The following DENND1A variants were observed in gnomAD, a reference collection of about 807,000 sequenced individuals.
The protein encoded by DENND1A is DENN domain containing 1A.
A neutral mutation model predicts 113.7 loss-of-function variants in DENND1A; 51 were observed. The observed-to-expected ratio is 0.45, with a 90% CI of 0.36 to 0.57. DENND1A has a LOEUF of 0.57. Among genes scored for constraint, DENND1A ranks in the 20% least tolerant of loss-of-function variants. DENND1A has a pLI of 0.00. For synonymous variants in DENND1A, 565 were observed against 570.8 expected, an observed-to-expected ratio of 0.99 and a Z score of 0.14; for missense variants, 1,258 against 1,395.9, an observed-to-expected ratio of 0.90 and a Z score of 1.57.
chr9:123,456,000 G>C (rs1588621701), intron 15 of DENND1A, among the ~76,000 whole-genome samples: 1 of 152,268 alleles, frequency 6.6e-6, no homozygotes, highest in East Asian at 1.9e-4. Flanking sequence ...AACACTCCTT[G>C]AGGGCAGAAC....
intron 10 of DENND1A, among the ~76,000 whole-genome samples, chr9:123,618,083 G>A (rs1284401204): frequency 2.0e-5 from 3 of 152,136 alleles, no homozygotes; most frequent in Non-Finnish European, 1.5e-5. Flanking sequence ...AGACGAACCC[G>A]CACTTGCTGA....
At chr9:123,568,853 TCA>T (rs1385055342) in intron 12 of DENND1A, among the ~76,000 whole-genome samples, 2 of 152,196 alleles carry the variant, frequency 1.3e-5, no homozygotes, top group Non-Finnish European at 2.9e-5. Context: ...TAGATGTGTT[TCA>T]CAGTGTCCCC....
chr9:123,464,133 C>G (rs563420892), intron 13 of DENND1A, among the ~76,000 whole-genome samples: 39 of 152,276 alleles, frequency 2.6e-4, no homozygotes, highest in African/African-American at 7.2e-4. Flanking sequence ...GATCCATCCA[C>G]ACACCCAAAC....
chr9:123,832,922 AACCCAGGTGTTCAAGACC>A, intron 2 of DENND1A, among the ~76,000 whole-genome samples: 1 of 152,212 alleles, frequency 6.6e-6, no homozygotes, highest in South Asian at 2.1e-4. Flanking sequence ...AGACCATTTG[AACCCAGGTGTTCAAGACC>A]AGCCTGGGCA....
intron 5 of DENND1A, among the ~76,000 whole-genome samples, chr9:123,698,231 C>T (rs1039944585): frequency 6.6e-6 from 1 of 152,154 alleles, no homozygotes; most frequent in Non-Finnish European, 1.5e-5. Context: ...GAAGAGATCC[C>T]TTGCTTAAAG....
intron 7 of DENND1A, among the ~76,000 whole-genome samples, chr9:123,669,709 G>A (rs1298076747): frequency 6.6e-6 from 1 of 152,244 alleles, no homozygotes; most frequent in Non-Finnish European, 1.5e-5. Flanking sequence ...AGGCAGGGTT[G>A]CTTAGCTATA....
At chr9:123,561,732 AAG>A (rs1277389336) in intron 12 of DENND1A, among the ~76,000 whole-genome samples, 1 of 152,076 alleles carries the variant, frequency 6.6e-6, no homozygotes, top group Non-Finnish European at 1.5e-5. Context: ...AGGCAAAGGA[AAG>A]AGGGGGCAAA....
intron 2 of DENND1A, among the ~76,000 whole-genome samples, chr9:123,818,214 C>T (rs1837829864): frequency 6.6e-6 from 1 of 151,762 alleles, no homozygotes; most frequent in South Asian, 2.1e-4. Context: ...ACACCATTCT[C>T]CTGCCTCAGC....
chr9:123,638,978 A>G (rs2061863782), intron 9 of DENND1A, among the ~76,000 whole-genome samples: 2 of 144,576 alleles, frequency 1.4e-5, no homozygotes, highest in Non-Finnish European at 3.0e-5. Flanking sequence ...TCTGTCAGGT[A>G]CCCACACATG....
intron 3 of DENND1A, among the ~76,000 whole-genome samples, chr9:123,783,769 T>C (rs1234262559): frequency 6.6e-6 from 1 of 152,242 alleles, no homozygotes; most frequent in East Asian, 1.9e-4. Flanking sequence ...CAATTACATC[T>C]GTGTATCACA....
At chr9:123,676,518 T>C (rs555977143) in intron 6 of DENND1A, among the ~76,000 whole-genome samples, 6 of 152,280 alleles carry the variant, frequency 3.9e-5, no homozygotes, top group African/African-American at 1.4e-4. Flanking sequence ...CAACCCAAAA[T>C]GCTAGGAATA....
At chr9:123,457,472 CAAAGA>C in intron 14 of DENND1A, 37 bp from the exon 15 acceptor site, 1 of 1,537,720 alleles carries the variant, frequency 6.5e-7, no homozygotes, top group Non-Finnish European at 9.0e-7. Flanking sequence ...ACAGCTCGTA[CAAAGA>C]AAAGGGGGAA....
intron 5 of DENND1A, among the ~76,000 whole-genome samples, chr9:123,747,404 C>A (rs2069606860): frequency 6.6e-6 from 1 of 152,004 alleles, no homozygotes; most frequent in African/African-American, 2.4e-5. Context: ...ATAAATGATG[C>A]CTCTCAGAAT....
intron 5 of DENND1A, among the ~76,000 whole-genome samples, chr9:123,714,476 C>T (rs537807430): frequency 1.4e-4 from 21 of 152,002 alleles, no homozygotes; most frequent in Non-Finnish European, 2.9e-4. Flanking sequence ...GTGGTGCATG[C>T]CTGTAATCCC....
At chr9:123,710,057 G>A (rs542454547) in intron 5 of DENND1A, among the ~76,000 whole-genome samples, 6 of 152,272 alleles carry the variant, frequency 3.9e-5, no homozygotes, top group Non-Finnish European at 8.8e-5. Context: ...TTTGAACCAG[G>A]TCTTTCTGCT....
chr9:123,535,257 C>T (rs2055655589), intron 13 of DENND1A, among the ~76,000 whole-genome samples: 1 of 152,148 alleles, frequency 6.6e-6, no homozygotes, highest in Non-Finnish European at 1.5e-5. Context: ...AAAGTCACTC[C>T]AATGGTTTCC....
intron 19 of DENND1A, chr9:123,413,206 T>C (rs1331737626): frequency 2.1e-5 from 4 of 194,608 alleles, no homozygotes; most frequent in Admixed American, 6.5e-5. Context: ...AAACACGTGC[T>C]ATAAGTGCAA....
At chr9:123,650,741 T>C (rs1003857338) in intron 9 of DENND1A, among the ~76,000 whole-genome samples, 1 of 151,880 alleles carries the variant, frequency 6.6e-6, no homozygotes, top group Non-Finnish European at 1.5e-5. Context: ...ACCCCATCTC[T>C]ACTAAAAATA....
intron 5 of DENND1A, among the ~76,000 whole-genome samples, chr9:123,739,102 T>C (rs959101727): frequency 2.6e-5 from 4 of 152,322 alleles, no homozygotes; most frequent in Non-Finnish European, 5.9e-5. Flanking sequence ...ATAATCATTG[T>C]TCTCCATACT....
Sources: allele counts gnomAD v4.1 joint callset (sites outside exome capture counted in the v4.1 genomes callset), GRCh38; gene constraint gnomAD v4.1.1; transcripts MANE v1.5; gene names NCBI Gene and HGNC (gene_info 2026-07-23, HGNC 2026-07-21).